ADAMTSL1: variants seen among roughly 807,000 people sequenced by gnomAD.
The protein encoded by ADAMTSL1 is ADAMTS-like protein 1.
A neutral mutation model predicts 201.8 loss-of-function variants in ADAMTSL1; 126 were observed. The ratio of observed to expected loss-of-function variants is 0.62; its 90% CI spans 0.54 to 0.72. ADAMTSL1 has a LOEUF of 0.72. Ranked by LOEUF, ADAMTSL1 falls within the 30% of genes least tolerant of loss-of-function variation. ADAMTSL1 has a pLI of 0.00. For synonymous variants in ADAMTSL1, 1,121 were observed against 903.4 expected (o/e 1.24, Z -4.32); for missense variants, 2,679 against 2,277.8 (o/e 1.18, Z -3.59).
chr9:18,444,683 G>A (rs1563964975), intron 2 of ADAMTSL1, among the ~76,000 whole-genome samples: 1 of 152,052 alleles, frequency 6.6e-6, no homozygotes, highest in East Asian at 1.9e-4. Flanking sequence ...ATTGGTAAAG[G>A]GAAAACAGAT....
At chr9:18,019,690 G>A (rs1820401885) in intron 1 of ADAMTSL1, among the ~76,000 whole-genome samples, 1 of 152,090 alleles carries the variant, frequency 6.6e-6, no homozygotes, top group South Asian at 2.1e-4. Context: ...GACCCACTAA[G>A]CAGGAACATT....
chr9:18,166,945 G>A (rs10756944), intron 2 of ADAMTSL1, among the ~76,000 whole-genome samples: 80,943 of 151,582 alleles, frequency 0.53, 21,943 homozygotes, highest in Non-Finnish European at 0.58. Context: ...TTTGCATTGC[G>A]TTAGAAAAAC....
At chr9:18,435,847 C>T (rs574713540) in intron 2 of ADAMTSL1, among the ~76,000 whole-genome samples, 44 of 152,242 alleles carry the variant, frequency 2.9e-4, no homozygotes, top group African/African-American at 9.1e-4. Context: ...TTCACTATCA[C>T]GAGAACAGCA....
At chr9:18,250,195 C>G (rs1382060006) in intron 2 of ADAMTSL1, among the ~76,000 whole-genome samples, 3 of 152,166 alleles carry the variant, frequency 2.0e-5, no homozygotes, top group Admixed American at 6.5e-5. Context: ...TCCAGTCATT[C>G]TATACATTTT....
Position 18,574,212 on chromosome 9 carries a change from T to G in ADAMTSL1, c.420T>G (p.Asp140Glu). ...TTGAACTAGCACCTAAGGTCTTAGA[T>G]GGTACGCGTTGCTATACAGAATCTT... is the stretch of plus-strand genomic sequence containing the variant. ...LVVELAPKVL[D>E]GTRCYTESLD... The change falls in exon 4 of 29, where the codon GAT (aspartate) becomes GAG (glutamate). Residue 140 changes from aspartate (D) to glutamate (E), a missense_variant. Coordinates refer to ENST00000380548, the MANE Select transcript of ADAMTSL1 (RefSeq NM_001040272.6). 2 of 1,614,194 alleles carry G rather than the reference T, an allele frequency of 1.2e-6. No individual in the cohort carries two copies.
chr9:18,018,768 AC>A (rs776020830), intron 1 of ADAMTSL1, among the ~76,000 whole-genome samples: 6 of 152,060 alleles, frequency 3.9e-5, no homozygotes, highest in Non-Finnish European at 7.4e-5. Context: ...GCTAGTTTGC[AC>A]CCAGATTCTT....
intron 20 of ADAMTSL1, among the ~76,000 whole-genome samples, chr9:18,805,680 C>T (rs1393012886): frequency 6.6e-6 from 1 of 152,166 alleles, no homozygotes; most frequent in Non-Finnish European, 1.5e-5. Context: ...TTCTCCTGCC[C>T]CTGCCCCTGC....
intron 1 of ADAMTSL1, among the ~76,000 whole-genome samples, chr9:18,088,804 G>A (rs2131805924): frequency 6.6e-6 from 1 of 152,290 alleles, no homozygotes; most frequent in Non-Finnish European, 1.5e-5. Flanking sequence ...AAATGGAGCA[G>A]CCACTGTGGA....
chr9:18,662,291 A>C (rs1224530765), intron 9 of ADAMTSL1, among the ~76,000 whole-genome samples: 1 of 152,122 alleles, frequency 6.6e-6, no homozygotes, highest in East Asian at 1.9e-4. Flanking sequence ...CTCCCCTTTT[A>C]TAAAGCAGCA....
At chr9:18,240,500 A>C (rs1196151140) in intron 2 of ADAMTSL1, among the ~76,000 whole-genome samples, 1 of 152,126 alleles carries the variant, frequency 6.6e-6, no homozygotes, top group African/African-American at 2.4e-5. Flanking sequence ...TAGAATTTTC[A>C]GGATGGGAAA....
chr9:18,262,385 G>C lies in ADAMTSL1; in HGVS notation c.207+98404G>C, dbSNP rs548641266. The stretch of plus-strand genomic sequence containing the variant: ...GGTCAGATCATCTGATCTTTCAAGA[G>C]AACGTGAAAATCCAGATTTTTACAT... On this transcript the variant is annotated intron_variant, in intron 2 of 29. Coordinates refer to the ADAMTSL1 transcript ENST00000680146. Among the ~76,000 whole-genome samples the C allele has an allele frequency of 5.3e-5, 8 of 152,304 alleles. 1 individual carries two copies. In the South Asian group the frequency reaches 1.7e-3, roughly 32 times the overall value.
chr9:18,181,874 C>G (rs140606813), intron 2 of ADAMTSL1, among the ~76,000 whole-genome samples: 4,969 of 152,224 alleles, frequency 0.033, 117 homozygotes, highest in Non-Finnish European at 0.053. Flanking sequence ...ATAGCAAAGA[C>G]TTGGAGCCAA....
intron 3 of ADAMTSL1, among the ~76,000 whole-genome samples, chr9:18,537,974 G>C (rs1490088399): frequency 6.6e-6 from 1 of 151,410 alleles, no homozygotes; most frequent in Non-Finnish European, 1.5e-5. Flanking sequence ...GAAGAAAGAA[G>C]AAGAGGAGGA....
chr9:18,076,292 A>G (rs925476771), intron 1 of ADAMTSL1, among the ~76,000 whole-genome samples: 5 of 152,254 alleles, frequency 3.3e-5, no homozygotes, highest in Non-Finnish European at 7.3e-5. Context: ...GGATTAATAC[A>G]TTCTTCTGCA....
chr9:17,998,078 T>C (rs111640202), intron 1 of ADAMTSL1, among the ~76,000 whole-genome samples: 1 of 152,062 alleles, frequency 6.6e-6, no homozygotes, highest in African/African-American at 2.4e-5. Flanking sequence ...TTGGACTACT[T>C]AGGCATCTCA....
chr9:18,168,102 T>C (rs1827715608), intron 2 of ADAMTSL1, among the ~76,000 whole-genome samples: 1 of 152,020 alleles, frequency 6.6e-6, no homozygotes, highest in Non-Finnish European at 1.5e-5. Context: ...GTGACCATTA[T>C]ATTTTTTCTT....
chr9:18,889,556 C>T lies in ADAMTSL1; in HGVS notation c.4463-12C>T, dbSNP rs199812443. 3.7e-5 allele frequency: 60 copies of T among 1,612,878 alleles called. No homozygotes were observed. Among genetic ancestry groups the T allele is most frequent in the Non-Finnish European group, 4.7e-5 (56 of 1,179,386 alleles). On this transcript the variant is annotated splice_polypyrimidine_tract_variant and intron_variant, in intron 24 of 28. Coordinates refer to ENST00000380548, the MANE Select transcript of ADAMTSL1 (RefSeq NM_001040272.6). ...TATATTCTTTTCTACACTGCTCCTCCTCCCATGACAGATTACTGGTGGTCT... is the reference window on the plus strand; with the variant it reads ...TATATTCTTTTCTACACTGCTCCTCTTCCCATGACAGATTACTGGTGGTCT...
At chr9:18,440,102 A>T (rs972948213) in intron 2 of ADAMTSL1, among the ~76,000 whole-genome samples, 1 of 152,186 alleles carries the variant, frequency 6.6e-6, no homozygotes, top group African/African-American at 2.4e-5. Flanking sequence ...AAATGTATTT[A>T]TTATGTTTTT....
At chr9:18,450,011 C>G (rs1820344172) in intron 2 of ADAMTSL1, among the ~76,000 whole-genome samples, 1 of 152,124 alleles carries the variant, frequency 6.6e-6, no homozygotes, top group African/African-American at 2.4e-5. Flanking sequence ...ATTCAGCAAT[C>G]CCATTCCTAG....
Sources: allele counts gnomAD v4.1 joint callset (sites outside exome capture counted in the v4.1 genomes callset), GRCh38; gene constraint gnomAD v4.1.1; transcripts MANE v1.5; gene names NCBI Gene and HGNC (gene_info 2026-07-23, HGNC 2026-07-21).